SLC16A2: variants seen among roughly 807,000 people sequenced by gnomAD.
SLC16A2 encodes the protein solute carrier family 16 member 2.
Under a neutral mutation model 27.2 loss-of-function variants are expected in SLC16A2, and 3 were observed. That is an observed-to-expected ratio of 0.11 (90% CI 0.05 to 0.28). SLC16A2 has a LOEUF of 0.28. Among genes scored for constraint, SLC16A2 ranks in the 10% least tolerant of loss-of-function variants. The pLI is 1.00. For missense variants in SLC16A2, 295 were observed against 458.5 expected (o/e 0.64, Z 3.26); for synonymous variants, 202 against 187.8 (o/e 1.08, Z -0.62).
chrX:74,434,874 G>A (rs1928595416), intron 1 of SLC16A2, among the ~76,000 whole-genome samples: 1 of 103,255 alleles, frequency 9.7e-6, no homozygotes, highest in Non-Finnish European at 2.0e-5. Context: ...GGAGTGCAGT[G>A]GCGCGATCTC....
intron 1 of SLC16A2, among the ~76,000 whole-genome samples, chrX:74,517,355 A>G (rs1046619690): frequency 1.8e-5 from 2 of 112,287 alleles, no homozygotes; most frequent in Non-Finnish European, 3.8e-5. Context: ...TGTACAAAAA[A>G]TTCCTTATAA....
At chrX:74,481,763 T>C (rs1234863940) in intron 1 of SLC16A2, among the ~76,000 whole-genome samples, 1 of 107,144 alleles carries the variant, frequency 9.3e-6, no homozygotes, top group Non-Finnish European at 1.9e-5. Flanking sequence ...AGTCTGCTAT[T>C]CTTTTTCTAG....
At chrX:74,434,377 G>T (rs1928583987) in intron 1 of SLC16A2, among the ~76,000 whole-genome samples, 1 of 112,136 alleles carries the variant, frequency 8.9e-6, no homozygotes. Context: ...GTGGCAGAGT[G>T]GGGGCAGAGA....
chrX:74,447,234 C>T (rs1029506242), intron 1 of SLC16A2, among the ~76,000 whole-genome samples: 2 of 112,086 alleles, frequency 1.8e-5, no homozygotes, highest in South Asian at 3.7e-4. Flanking sequence ...AAAGTTTGTC[C>T]AATATTCAAG....
intron 1 of SLC16A2, among the ~76,000 whole-genome samples, chrX:74,505,395 A>G (rs1018950484): frequency 2.7e-5 from 3 of 112,287 alleles, no homozygotes; most frequent in Non-Finnish European, 5.6e-5. Flanking sequence ...AGTATCCTGG[A>G]AAAGGCATTT....
At position 74,421,796 on chromosome X, in the gene SLC16A2, G is replaced by A. The variant is rs1928302604; in HGVS notation, c.159G>A (p.Pro53=). Residue 53 remains proline, a synonymous_variant, in exon 1 of 6, where the codon CCG becomes CCA. Transcript: ENST00000587091. ...PVPVPPPEPQ[P]EPQPLPDPAP... ...CAGTGCCCCCGCCCGAGCCCCAGCC[G>A]GAGCCCCAGCCCCTACCGGACCCCG... The A allele has an allele frequency of 8.7e-7, 1 of 1,153,858 alleles. No homozygotes were observed. The highest frequency in any genetic ancestry group is 1.8e-5 in the African/African-American group (1 of 56,413).
chrX:74,521,794 C>T (rs934767425), intron 2 of SLC16A2, among the ~76,000 whole-genome samples: 8 of 112,124 alleles, frequency 7.1e-5, no homozygotes, highest in Admixed American at 6.6e-4. Context: ...TAGCAATATC[C>T]CTTACTGAGA....
chrX:74,471,196 A>G (rs1569290318), intron 1 of SLC16A2, among the ~76,000 whole-genome samples: 2 of 111,832 alleles, frequency 1.8e-5, no homozygotes, highest in African/African-American at 6.5e-5. Context: ...ATTTGCTTTT[A>G]TATTATCTTC....
At chrX:74,448,638 G>T (rs1173574317) in intron 1 of SLC16A2, among the ~76,000 whole-genome samples, 1 of 110,593 alleles carries the variant, frequency 9.0e-6, no homozygotes, top group Non-Finnish European at 1.9e-5. Flanking sequence ...TGTTTCCAGG[G>T]ACCATGGGTT....
chrX:74,448,938 A>C (rs1248768981), intron 1 of SLC16A2, among the ~76,000 whole-genome samples: 1 of 111,271 alleles, frequency 9.0e-6, no homozygotes, highest in African/African-American at 3.3e-5. Flanking sequence ...TTGTTCCTTC[A>C]TGCCCGCATC....
chrX:74,475,524 C>T (rs1247808665), intron 1 of SLC16A2, among the ~76,000 whole-genome samples: 1 of 109,516 alleles, frequency 9.1e-6, no homozygotes, highest in Admixed American at 9.8e-5. Flanking sequence ...GTTGCCATTG[C>T]TTTTGGTGTT....
At chrX:74,478,443 A>C (rs1929536264) in intron 1 of SLC16A2, among the ~76,000 whole-genome samples, 1 of 111,807 alleles carries the variant, frequency 8.9e-6, no homozygotes, top group South Asian at 3.8e-4. Flanking sequence ...CCAATTTGCC[A>C]GTCTATGCCT....
intron 1 of SLC16A2, chrX:74,473,788 G>A: frequency 1.6e-6 from 1 of 606,545 alleles, no homozygotes; most frequent in Non-Finnish European, 2.8e-6. Flanking sequence ...AGCCCCTGGA[G>A]GGCTTGGTGT....
intron 1 of SLC16A2, among the ~76,000 whole-genome samples, chrX:74,449,288 A>G (rs1407255016): frequency 1.8e-5 from 2 of 111,314 alleles, no homozygotes; most frequent in South Asian, 3.8e-4. Context: ...AGTAGCTTGG[A>G]CTCACAACCT....
In SLC16A2 at chrX:74,533,645, T is replaced by C. The variant is rs1930606817; in HGVS notation, c.*2092T>C. ...CTTCTCTCCAGATGAAGGGAAGACA[T>C]TCATAGGTCCCAAATCTGCCCATTC... On this transcript the variant is annotated 3_prime_UTR_variant, in exon 6 of 6. Coordinates refer to ENST00000587091, the MANE Select transcript of SLC16A2 (RefSeq NM_006517.5). 1 of 112,809 alleles carries C rather than the reference T, an allele frequency of 8.9e-6. No individual in the cohort carries two copies. The highest frequency in any genetic ancestry group is 3.2e-5 in the African/African-American group (1 of 30,942). 9.3% of individuals were successfully genotyped at this position (112,809 alleles called of 1,213,427 possible).
chrX:74,517,252 A>C (rs1602139545), intron 1 of SLC16A2, among the ~76,000 whole-genome samples: 1 of 112,212 alleles, frequency 8.9e-6, no homozygotes, highest in Non-Finnish European at 1.9e-5. Context: ...TTTCCTGTGA[A>C]TCTATAGTTA....
At chrX:74,478,893 C>G (rs1444143710) in intron 1 of SLC16A2, among the ~76,000 whole-genome samples, 2 of 111,630 alleles carry the variant, frequency 1.8e-5, no homozygotes, top group African/African-American at 3.3e-5. Context: ...GTAACCCGAC[C>G]TTTCTCTCTG....
At chrX:74,450,629 G>C (rs1470497744) in intron 1 of SLC16A2, among the ~76,000 whole-genome samples, 3 of 111,766 alleles carry the variant, frequency 2.7e-5, no homozygotes, top group African/African-American at 9.8e-5. Context: ...TGGGGTTTTG[G>C]ACCAAGCCAA....
intron 1 of SLC16A2, among the ~76,000 whole-genome samples, chrX:74,467,901 C>G (rs1269312184): frequency 9.0e-6 from 1 of 110,963 alleles, no homozygotes; most frequent in African/African-American, 3.3e-5. Context: ...TCTTTTCCCA[C>G]CCAACTCTTA....
Sources: allele counts gnomAD v4.1 joint callset (sites outside exome capture counted in the v4.1 genomes callset), GRCh38; gene constraint gnomAD v4.1.1; transcripts MANE v1.5; gene names NCBI Gene and HGNC (gene_info 2026-07-23, HGNC 2026-07-21).